RARRES1: variants seen among roughly 807,000 people sequenced by gnomAD.
RARRES1 encodes the protein retinoic acid receptor responder 1.
RARRES1 carries 34 observed loss-of-function variants against 30.6 expected under a neutral mutation model. The observed-to-expected ratio is 1.11, with a 90% confidence interval of 0.84 to 1.48. The LOEUF is 1.48. Among genes scored for constraint, RARRES1 ranks in the 40% most tolerant of loss-of-function variants. RARRES1 has a pLI of 0.00. For synonymous variants in RARRES1, 153 were observed against 155.5 expected, an observed-to-expected ratio of 0.98 and a Z score of 0.12; for missense variants, 373 against 386.5, an observed-to-expected ratio of 0.97 and a Z score of 0.29.
At chr3:158,729,236 A>G (rs1727792569) in intron 1 of RARRES1, among the ~76,000 whole-genome samples, 1 of 151,694 alleles carries the variant, frequency 6.6e-6, no homozygotes, top group South Asian at 2.1e-4. Context: ...GGACTAAATG[A>G]TGTTTAAGAC....
At chr3:158,719,069 T>C (rs1727415787) in intron 1 of RARRES1, among the ~76,000 whole-genome samples, 1 of 152,058 alleles carries the variant, frequency 6.6e-6, no homozygotes, top group South Asian at 2.1e-4. Flanking sequence ...GCAGAGCACA[T>C]TGTTCCAATA....
intron 1 of RARRES1, among the ~76,000 whole-genome samples, chr3:158,721,370 C>T (rs903435740): frequency 2.0e-5 from 3 of 152,148 alleles, no homozygotes; most frequent in Non-Finnish European, 4.4e-5. Flanking sequence ...GGATCTACAC[C>T]GACTTTTGAT....
chr3:158,725,658 A>T (rs1054179987), intron 1 of RARRES1, among the ~76,000 whole-genome samples: 6 of 152,358 alleles, frequency 3.9e-5, no homozygotes, highest in African/African-American at 1.4e-4. Flanking sequence ...AAAACAATTT[A>T]TTATAAAATG....
chr3:158,706,669 A>G (rs938650822), intron 3 of RARRES1, among the ~76,000 whole-genome samples: 2 of 152,214 alleles, frequency 1.3e-5, no homozygotes, highest in Admixed American at 1.3e-4. Context: ...ATACTTTGTG[A>G]ATGCAGGCTT....
At chr3:158,720,918 A>C (rs1727493811) in intron 1 of RARRES1, among the ~76,000 whole-genome samples, 1 of 152,204 alleles carries the variant, frequency 6.6e-6, no homozygotes, top group Admixed American at 6.5e-5. Context: ...TTAAGGTCAC[A>C]TTCTTAGTCA....
At chr3:158,698,056 G>A (rs950838763) in intron 4 of RARRES1, 86 bp from the exon 5 acceptor site, 1 of 952,296 alleles carries the variant, frequency 1.1e-6, no homozygotes, top group South Asian at 1.7e-5. Flanking sequence ...TTGAATGGGT[G>A]CCTTGTGTCT....
chr3:158,721,753 A>C lies in RARRES1; in HGVS notation c.277-7894T>G, dbSNP rs566356043. ...GTCTACCCTCTGCTTCTGCAGGTGC[A>C]ACTGATAAACTCCATGGTGACACAG... On this transcript the variant is annotated intron_variant, in intron 1 of 5. Coordinates refer to ENST00000237696, the MANE Select transcript of RARRES1 (RefSeq NM_206963.2). Among the ~76,000 whole-genome samples the C allele has an allele frequency of 3.9e-5, 6 of 152,320 alleles. No individual in the cohort carries two copies. In the South Asian group the frequency reaches 1.2e-3, roughly 32 times the overall value.
chr3:158,715,518 G>A (rs1361239064), intron 1 of RARRES1, among the ~76,000 whole-genome samples: 1 of 152,184 alleles, frequency 6.6e-6, no homozygotes, highest in Non-Finnish European at 1.5e-5. Context: ...CCAAAGTCTG[G>A]AAGAGTAACA....
At chr3:158,711,407 G>A (rs956882805) in intron 2 of RARRES1, among the ~76,000 whole-genome samples, 2 of 152,070 alleles carry the variant, frequency 1.3e-5, no homozygotes, top group South Asian at 4.1e-4. Context: ...TGAGGTTTAA[G>A]GAGGTACCTA....
Position 158,732,247 on chromosome 3 carries a change from T to C in RARRES1, c.169A>G (p.Arg57Gly), listed in dbSNP as rs780639650. The change falls in exon 1 of 6, where the codon AGG becomes GGG. Residue 57 changes from arginine (R) to glycine (G), a missense_variant. By Grantham distance (125) the Arg-to-Gly change is moderately radical (BLOSUM62 -2). Coordinates refer to ENST00000237696, the MANE Select transcript of RARRES1 (RefSeq NM_206963.2). ...GQPQDAGVPR[R>G]LLQQAARAAL... ...GCGCGCGCCGCCTGCTGCAGGAGCC[T>C]GCGCGGGACCCCAGCATCCTGAGGC... 1.0e-3 allele frequency: 1,393 copies of C among 1,383,200 alleles called. 3 individuals carry two copies. The highest frequency in any genetic ancestry group is 1.3e-3 in the Non-Finnish European group (1,351 of 1,077,842). The allele number at this position is 1,383,200 out of a possible 1,614,324, so 85.7% of individuals were successfully genotyped here.
At chr3:158,705,327 G>C (rs1304392532) in intron 3 of RARRES1, among the ~76,000 whole-genome samples, 6 of 152,158 alleles carry the variant, frequency 3.9e-5, no homozygotes, top group Non-Finnish European at 7.3e-5. Context: ...AAATCTCTCA[G>C]ATTTCAGTCT....
chr3:158,710,766 T>C lies in RARRES1; in HGVS notation c.507A>G (p.Lys169=). The C allele has an allele frequency of 6.2e-7, 1 of 1,613,088 alleles. No homozygotes were observed. The highest frequency in any genetic ancestry group is 8.5e-7 in the Non-Finnish European group (1 of 1,179,248). The change falls in exon 3 of 6, where the codon AAA becomes AAG. Residue 169 remains lysine (K), a synonymous_variant. Transcript: ENST00000237696. ...YLLYKQMKQL[K]NPLEIVSIPD... is the part of the protein sequence containing the mutation. ...GTATGCTGACTATTTCCAAGGGGTTTTTCAGTTGCTTCATTTGCTTGTAAA... is the reference window on the plus strand; with the variant it reads ...GTATGCTGACTATTTCCAAGGGGTTCTTCAGTTGCTTCATTTGCTTGTAAA...
intron 4 of RARRES1, among the ~76,000 whole-genome samples, chr3:158,702,367 C>G (rs967345833): frequency 6.6e-5 from 10 of 152,292 alleles, no homozygotes; most frequent in Admixed American, 5.2e-4. Flanking sequence ...TTTCTAGTTA[C>G]TTGTATGTCC....
Position 158,732,394 on chromosome 3 carries a change from G to T in RARRES1, c.22C>A (p.Leu8Met). Residue 8 changes from leucine to methionine, a missense_variant, in exon 1 of 6, where the codon CTG (leucine) becomes ATG (methionine). Transcript: ENST00000237696. MQPRRQR[L>M]PAPWSGPRGP... ...CTGGGCCCGGACCAGGGAGCAGGCA[G>T]CCGTTGCCGGCGGGGCTGCATGGAC... The T allele has an allele frequency of 6.6e-7, 1 of 1,508,872 alleles. No homozygotes were observed. The highest frequency in any genetic ancestry group is 1.2e-5 in the South Asian group (1 of 82,018). The allele number at this position is 1,508,872 out of a possible 1,614,324, so 93.5% of individuals were successfully genotyped here. A position where few individuals can be genotyped will look rare whatever the true frequency, so the allele number is the denominator to read the frequency against.
chr3:158,707,586 T>G (rs1726967394), intron 3 of RARRES1, among the ~76,000 whole-genome samples: 1 of 151,966 alleles, frequency 6.6e-6, no homozygotes, highest in South Asian at 2.1e-4. Flanking sequence ...AATGACAGAA[T>G]CAAATGTCTC....
chr3:158,701,246 C>T (rs915954145), intron 4 of RARRES1, among the ~76,000 whole-genome samples: 4 of 152,102 alleles, frequency 2.6e-5, no homozygotes, highest in African/African-American at 9.7e-5. Context: ...AGCATATATC[C>T]CGTGTTCTTG....
chr3:158,729,858 G>T (rs1727815669), intron 1 of RARRES1, among the ~76,000 whole-genome samples: 1 of 152,164 alleles, frequency 6.6e-6, no homozygotes, highest in South Asian at 2.1e-4. Context: ...AGGGAATCCT[G>T]CCCCTGGTAA....
At chr3:158,713,917 C>G in intron 1 of RARRES1, 58 bp from the exon 2 acceptor site, 1 of 1,426,646 alleles carries the variant, frequency 7.0e-7, no homozygotes, top group Middle Eastern at 1.8e-4. Context: ...ATCCTCATAT[C>G]CAGGAATCAC....
At chr3:158,714,666 G>A (rs925963086) in intron 1 of RARRES1, among the ~76,000 whole-genome samples, 3 of 152,172 alleles carry the variant, frequency 2.0e-5, no homozygotes, top group Non-Finnish European at 2.9e-5. Context: ...ACATATCTAT[G>A]TCATTGCAAT....
Sources: allele counts gnomAD v4.1 joint callset (sites outside exome capture counted in the v4.1 genomes callset), GRCh38; gene constraint gnomAD v4.1.1; transcripts MANE v1.5; gene names NCBI Gene and HGNC (gene_info 2026-07-23, HGNC 2026-07-21).